The following ZNF407 variants were observed in gnomAD, a reference collection of about 807,000 sequenced individuals.
ZNF407 encodes zinc finger protein 407.
A neutral mutation model predicts 131.2 loss-of-function variants in ZNF407; 17 were observed. That is an observed-to-expected ratio of 0.13 (90% CI 0.09 to 0.19). ZNF407 has a LOEUF of 0.19. Among genes scored for constraint, ZNF407 ranks in the 10% least tolerant of loss-of-function variants. The probability of loss-of-function intolerance (pLI) is 1.00; values close to 1 mark genes in which losing one functional copy is unlikely to be tolerated. For synonymous variants in ZNF407, 1,156 were observed against 1,062.0 expected (o/e 1.09, Z -1.72); for missense variants, 2,681 against 2,830.6 (o/e 0.95, Z 1.20).
intron 3 of ZNF407, among the ~76,000 whole-genome samples, chr18:74,742,036 T>C (rs1359194930): frequency 6.6e-6 from 1 of 152,214 alleles, no homozygotes; most frequent in Non-Finnish European, 1.5e-5. Context: ...TTTTGAATAC[T>C]GAATTATATT....
intron 3 of ZNF407, among the ~76,000 whole-genome samples, chr18:74,708,540 C>CT (rs11443472): frequency 0.11 from 16,422 of 152,196 alleles, 1,031 homozygotes; most frequent in African/African-American, 0.17. Context: ...ATTCCTGGGA[C>CT]TAGTGAAGAC....
chr18:75,059,254 A>C (rs1444473303), intron 8 of ZNF407, among the ~76,000 whole-genome samples: 2 of 152,228 alleles, frequency 1.3e-5, no homozygotes, highest in East Asian at 3.8e-4. Flanking sequence ...TATACCCAAG[A>C]GATTTCCTGT....
intron 8 of ZNF407, among the ~76,000 whole-genome samples, chr18:74,990,859 G>A (rs1972710145): frequency 6.6e-6 from 1 of 152,166 alleles, no homozygotes; most frequent in South Asian, 2.1e-4. Context: ...TTTTACTAAA[G>A]AATGTCAGCT....
chr18:75,053,737 C>T (rs1333731652), intron 8 of ZNF407, among the ~76,000 whole-genome samples: 3 of 152,204 alleles, frequency 2.0e-5, no homozygotes, highest in Non-Finnish European at 4.4e-5. Flanking sequence ...AGCGTCCAGT[C>T]CGCCCACTCG....
intron 3 of ZNF407, among the ~76,000 whole-genome samples, chr18:74,776,418 T>C (rs1231084506): frequency 6.6e-6 from 1 of 152,212 alleles, no homozygotes. Context: ...TTCTAGTAGA[T>C]GTTTTCTATG....
At chr18:74,848,190 C>T (rs1276582716) in intron 4 of ZNF407, among the ~76,000 whole-genome samples, 3 of 152,084 alleles carry the variant, frequency 2.0e-5, no homozygotes, top group African/African-American at 2.4e-5. Flanking sequence ...CCATAAACTA[C>T]AGCTTAATAA....
chr18:74,771,081 A>G (rs1969350217), intron 3 of ZNF407, among the ~76,000 whole-genome samples: 1 of 152,162 alleles, frequency 6.6e-6, no homozygotes, highest in Non-Finnish European at 1.5e-5. Flanking sequence ...GTTGCTTGAT[A>G]TAAAATTACA....
chr18:74,630,864 G>T lies in ZNF407; in HGVS notation c.-53-103G>T, dbSNP rs1347940591. 20 of 808,044 alleles carry T rather than the reference G, an allele frequency of 2.5e-5. No individual in the cohort carries two copies. In the Admixed American group the frequency reaches 3.5e-4, roughly 14 times the overall value. 50.1% of individuals were successfully genotyped at this position (808,044 alleles called of 1,614,324 possible). A position where few individuals can be genotyped will look rare whatever the true frequency, so the allele number is the denominator to read the frequency against. On this transcript the variant is annotated intron_variant, in intron 1 of 8. Transcript: ENST00000299687. ...AATCAAATTCATCTCAGTATAAAGG[G>T]TGTTTCATTGGGGCTAACTTCATGA...
intron 1 of ZNF407, among the ~76,000 whole-genome samples, chr18:74,600,656 G>A (rs1290450609): frequency 2.6e-5 from 4 of 152,144 alleles, no homozygotes; most frequent in Non-Finnish European, 5.9e-5. Flanking sequence ...AGGGAATGGC[G>A]ACCAGAGAAT....
At chr18:74,981,128 C>T (rs1293459958) in intron 8 of ZNF407, among the ~76,000 whole-genome samples, 1 of 152,236 alleles carries the variant, frequency 6.6e-6, no homozygotes, top group East Asian at 1.9e-4. Flanking sequence ...GTCCATGGGG[C>T]TCTTGTCTCT....
chr18:74,647,816 A>G (rs1000251540), intron 3 of ZNF407, among the ~76,000 whole-genome samples: 10 of 152,166 alleles, frequency 6.6e-5, no homozygotes, highest in African/African-American at 2.4e-4. Flanking sequence ...TAGGAGAAGG[A>G]GCAAGGCTGA....
chr18:74,600,532 A>G (rs1246683066), intron 1 of ZNF407, among the ~76,000 whole-genome samples: 1 of 152,212 alleles, frequency 6.6e-6, no homozygotes, highest in African/African-American at 2.4e-5. Context: ...CCACACCTCA[A>G]AGGAGTCCTA....
chr18:74,690,540 T>C (rs561802472), intron 3 of ZNF407, among the ~76,000 whole-genome samples: 11 of 152,118 alleles, frequency 7.2e-5, no homozygotes, highest in Non-Finnish European at 1.5e-4. Flanking sequence ...TCTTATGATT[T>C]TGAAAATCAG....
At chr18:74,935,131 G>C (rs1278176314) in intron 8 of ZNF407, among the ~76,000 whole-genome samples, 2 of 152,146 alleles carry the variant, frequency 1.3e-5, no homozygotes, top group Non-Finnish European at 2.9e-5. Context: ...TAAATAGACT[G>C]TTTTAAAGAA....
At chr18:74,603,223 T>A (rs1982659003) in intron 1 of ZNF407, among the ~76,000 whole-genome samples, 1 of 152,198 alleles carries the variant, frequency 6.6e-6, no homozygotes, top group African/African-American at 2.4e-5. Flanking sequence ...GCTATGAGAG[T>A]TGATGATAAG....
intron 8 of ZNF407, among the ~76,000 whole-genome samples, chr18:75,061,040 G>A (rs770487989): frequency 6.6e-6 from 1 of 152,184 alleles, no homozygotes; most frequent in African/African-American, 2.4e-5. Flanking sequence ...CCTGTCTGGG[G>A]TCTGTGCTCA....
chr18:74,656,292 A>C (rs1285934199), intron 3 of ZNF407, among the ~76,000 whole-genome samples: 1 of 152,134 alleles, frequency 6.6e-6, no homozygotes, highest in Non-Finnish European at 1.5e-5. Flanking sequence ...TAACATATTA[A>C]TGTGAGGGAT....
intron 4 of ZNF407, among the ~76,000 whole-genome samples, chr18:74,870,512 C>T (rs1318123843): frequency 1.3e-5 from 2 of 152,138 alleles, no homozygotes; most frequent in Non-Finnish European, 2.9e-5. Context: ...GTCTTTGTGG[C>T]TTCTTAATAC....
chr18:74,688,895 C>A (rs1426722482), intron 3 of ZNF407, among the ~76,000 whole-genome samples: 1 of 152,164 alleles, frequency 6.6e-6, no homozygotes, highest in Non-Finnish European at 1.5e-5. Context: ...GTGGCGCAAT[C>A]TTGGCTCACT....
Sources: gnomAD v4.1 joint callset for allele counts (sites outside exome capture counted in the v4.1 genomes callset) on GRCh38, gnomAD v4.1.1 for gene constraint, MANE v1.5 for transcripts, NCBI Gene and HGNC (gene_info 2026-07-23, HGNC 2026-07-21) for gene names.